Variants in TANGO6 observed in about 807,000 individuals in gnomAD.
TANGO6 encodes the protein transport and golgi organization 6 homolog.
In TANGO6, 90 loss-of-function variants were observed where a neutral mutation model predicts 114.2. The ratio of observed to expected loss-of-function variants is 0.79; its 90% CI spans 0.66 to 0.94. The LOEUF (loss-of-function observed/expected upper bound fraction) is 0.94, where lower values mean the gene tolerates loss of function less well. Ranked by LOEUF, TANGO6 falls within the 40% of genes least tolerant of loss-of-function variation. The probability of loss-of-function intolerance (pLI) is 0.00; values close to 1 mark genes in which losing one functional copy is unlikely to be tolerated. For missense variants in TANGO6, 1,274 were observed against 1,315.3 expected, an observed-to-expected ratio of 0.97 and a Z score of 0.49; for synonymous variants, 477 against 509.8, an observed-to-expected ratio of 0.94 and a Z score of 0.87.
At chr16:68,944,792 T>C (rs1418317593) in intron 14 of TANGO6, among the ~76,000 whole-genome samples, 2 of 152,116 alleles carry the variant, frequency 1.3e-5, no homozygotes, top group African/African-American at 4.8e-5. Context: ...ATCTCTAAAT[T>C]TAAAACATTT....
chr16:69,083,339 A>C (rs1184386843), intron 17 of TANGO6, 146 bp from the exon 18 acceptor site: 18 of 1,037,006 alleles, frequency 1.7e-5, no homozygotes, highest in Non-Finnish European at 2.3e-5. Context: ...GATTACAGGC[A>C]TGAGCCACTG....
intron 16 of TANGO6, among the ~76,000 whole-genome samples, chr16:69,032,397 CTGGGACTACAGGCATGTGCCACCA>C (rs1378582286): frequency 1.3e-5 from 2 of 151,982 alleles, no homozygotes; most frequent in East Asian, 4.0e-4. Context: ...TCTCAAGTAG[CTGGGACTACAGGCATGTGCCACCA>C]TGCCCAGCTA....
chr16:69,079,295 C>T (rs917554336), intron 17 of TANGO6, among the ~76,000 whole-genome samples: 1 of 151,938 alleles, frequency 6.6e-6, no homozygotes, highest in Non-Finnish European at 1.5e-5. Context: ...GCACATTGCA[C>T]TCCAGCCTGG....
intron 6 of TANGO6, 60 bp downstream of exon 6, chr16:68,878,340 G>C: frequency 2.0e-6 from 3 of 1,508,396 alleles, no homozygotes; most frequent in Non-Finnish European, 2.7e-6. Flanking sequence ...AGTATTTCAC[G>C]TTGAAATGAT....
At chr16:68,900,654 C>A in intron 8 of TANGO6, 108 bp downstream of exon 8, 1 of 923,878 alleles carries the variant, frequency 1.1e-6, no homozygotes, top group Non-Finnish European at 1.6e-6. Flanking sequence ...ATTATCATTT[C>A]CTTTCAAAGT....
chr16:68,876,753 A>T lies in TANGO6; in HGVS notation c.1132-1365A>T, dbSNP rs78835652. On this transcript the variant is annotated intron_variant, in intron 5 of 17. Coordinates refer to ENST00000261778, the MANE Select transcript of TANGO6 (RefSeq NM_024562.2). ...AGAGAATCTCTTGAACCTGGGAGGC[A>T]GACGTTGCAGTGAGCTGAGTTTGCA... Among the ~76,000 whole-genome samples, 736 of 152,130 alleles carry T rather than the reference A, an allele frequency of 4.8e-3. 18 individuals are homozygous for T. The East Asian group carries it at 0.064, about 13-fold the overall frequency.
intron 15 of TANGO6, among the ~76,000 whole-genome samples, chr16:69,020,535 C>T (rs1296452271): frequency 6.6e-6 from 1 of 152,130 alleles, no homozygotes; most frequent in Non-Finnish European, 1.5e-5. Context: ...GGGGAAGAGG[C>T]AGGTTCCACA....
chr16:69,030,127 A>G (rs959419950), intron 16 of TANGO6, among the ~76,000 whole-genome samples: 7 of 149,896 alleles, frequency 4.7e-5, no homozygotes, highest in African/African-American at 9.8e-5. Context: ...AAAAAAAAAA[A>G]GGGAAATAAG....
intron 7 of TANGO6, among the ~76,000 whole-genome samples, chr16:68,894,272 C>G (rs575212209): frequency 6.6e-6 from 1 of 152,260 alleles, no homozygotes; most frequent in African/African-American, 2.4e-5. Flanking sequence ...TGACCAGATT[C>G]TACTTTGGGA....
Position 68,909,195 on chromosome 16 carries a change from C to T in TANGO6, c.1801-16C>T. The T allele has an allele frequency of 6.8e-7, 1 of 1,480,190 alleles. No homozygotes were observed. Among genetic ancestry groups the T allele is most frequent in the Non-Finnish European group, 9.0e-7 (1 of 1,108,804 alleles). The allele number at this position is 1,480,190 out of a possible 1,614,324, so 91.7% of individuals were successfully genotyped here. A position where few individuals can be genotyped will look rare whatever the true frequency, so the allele number is the denominator to read the frequency against. On this transcript the variant is annotated splice_polypyrimidine_tract_variant and intron_variant, in intron 10 of 17. Transcript: ENST00000261778. ...CTGGCTTTATCTTCACTTTTTCTTT[C>T]CTGCCATGCTTGTAGGAGTTGACTC...
intron 14 of TANGO6, among the ~76,000 whole-genome samples, chr16:68,953,893 G>A (rs941732639): frequency 1.3e-5 from 2 of 152,028 alleles, no homozygotes; most frequent in Admixed American, 6.6e-5. Context: ...GCAAGGGAAC[G>A]AGGCAGTAAC....
chr16:68,925,304 T>A (rs1259466360), intron 12 of TANGO6, among the ~76,000 whole-genome samples: 1 of 152,120 alleles, frequency 6.6e-6, no homozygotes, highest in African/African-American at 2.4e-5. Context: ...AGCAAGACTC[T>A]GTCTCAAAAA....
At chr16:68,964,681 C>T (rs1261835243) in intron 14 of TANGO6, among the ~76,000 whole-genome samples, 3 of 151,626 alleles carry the variant, frequency 2.0e-5, no homozygotes, top group African/African-American at 7.3e-5. Flanking sequence ...ATTCTCCTGC[C>T]TCAGCCTCCC....
intron 17 of TANGO6, among the ~76,000 whole-genome samples, chr16:69,055,970 C>T (rs936589443): frequency 1.3e-5 from 2 of 151,482 alleles, no homozygotes; most frequent in Non-Finnish European, 1.5e-5. Context: ...ACCCAGGAGG[C>T]GGAGGTTGCA....
At chr16:68,849,160 C>A (rs551343408) in intron 1 of TANGO6, among the ~76,000 whole-genome samples, 1 of 152,110 alleles carries the variant, frequency 6.6e-6, no homozygotes, top group Non-Finnish European at 1.5e-5. Context: ...CATGGCGAAA[C>A]CCTGTCTCTA....
At chr16:69,005,267 A>G (rs184063436) in intron 15 of TANGO6, among the ~76,000 whole-genome samples, 16 of 150,448 alleles carry the variant, frequency 1.1e-4, no homozygotes, top group African/African-American at 3.7e-4. Context: ...TAAGCATGCA[A>G]TTTGACAGTA....
chr16:68,928,848 G>T (rs1963204288), intron 13 of TANGO6, among the ~76,000 whole-genome samples: 1 of 152,206 alleles, frequency 6.6e-6, no homozygotes, highest in African/African-American at 2.4e-5. Context: ...CTTTAGTGGG[G>T]CGTTGGGCAA....
At chr16:68,991,473 A>G (rs940233571) in intron 15 of TANGO6, among the ~76,000 whole-genome samples, 27 of 151,914 alleles carry the variant, frequency 1.8e-4, no homozygotes, top group African/African-American at 6.3e-4. Context: ...AAAAGCTACT[A>G]AAAATAGAAA....
rs112970965 is a variant in TANGO6 at position 69,028,727 on chromosome 16, T to C, written c.2994+5748T>C. ...GGTACAATCACACACACTTTTTTTT[T>C]TTATTTTTAGAGATGGGGTCTTGCT... On this transcript the variant is annotated intron_variant, in intron 16 of 17. Coordinates refer to ENST00000261778, the MANE Select transcript of TANGO6 (RefSeq NM_024562.2). Among the ~76,000 whole-genome samples the C allele has an allele frequency of 1.3e-3, 201 of 152,142 alleles. No individual in the cohort carries two copies. In the Middle Eastern group the frequency reaches 0.014, roughly 10 times the overall value.
Sources: gnomAD v4.1 joint callset for allele counts (sites outside exome capture counted in the v4.1 genomes callset) on GRCh38, gnomAD v4.1.1 for gene constraint, MANE v1.5 for transcripts, NCBI Gene and HGNC (gene_info 2026-07-23, HGNC 2026-07-21) for gene names.